SKP2: variants seen among roughly 807,000 people sequenced by gnomAD.
SKP2 encodes the protein S-phase kinase associated protein 2.
SKP2 carries 16 observed loss-of-function variants against 51.8 expected under a neutral mutation model. The observed-to-expected ratio is 0.31, with a 90% CI of 0.21 to 0.47. SKP2 has a LOEUF of 0.47. Ranked by LOEUF, SKP2 falls within the 20% of genes least tolerant of loss-of-function variation. The probability of loss-of-function intolerance (pLI) is 1.00; values close to 1 mark genes in which losing one functional copy is unlikely to be tolerated. For missense variants in SKP2, 377 were observed against 505.3 expected (o/e 0.75, Z 2.43); for synonymous variants, 176 against 198.6 (o/e 0.89, Z 0.96).
intron 9 of SKP2, among the ~76,000 whole-genome samples, chr5:36,177,998 G>C (rs529193322): frequency 6.6e-6 from 1 of 152,260 alleles, no homozygotes; most frequent in East Asian, 1.9e-4. Flanking sequence ...GGGAGTGCAA[G>C]AAAGCAGCAG....
intron 6 of SKP2, among the ~76,000 whole-genome samples, chr5:36,190,414 A>G (rs1745997387): frequency 6.6e-6 from 1 of 151,704 alleles, no homozygotes; most frequent in African/African-American, 2.4e-5. Flanking sequence ...TATATTTACA[A>G]AACATTTGAA....
chr5:36,183,157 T>C lies in SKP2; in HGVS notation c.*1126T>C, dbSNP rs1357766028. On this transcript the variant is annotated 3_prime_UTR_variant, in exon 10 of 10. Transcript: ENST00000274255. ...ATGCAGTTTCAGTAGTAAGCACTAC[T>C]TATACCTACATAAGAGTTAAAATCC... 2 of 977,696 alleles carry C rather than the reference T, an allele frequency of 2.0e-6. No homozygotes were observed. Among genetic ancestry groups the C allele is most frequent in the Non-Finnish European group, 2.4e-6 (2 of 822,924 alleles). The allele number at this position is 977,696 out of a possible 1,614,324, so 60.6% of individuals were successfully genotyped here.
intron 2 of SKP2, among the ~76,000 whole-genome samples, chr5:36,162,396 G>A (rs750856565): frequency 6.6e-6 from 1 of 152,216 alleles, no homozygotes. Context: ...CGTCATCTCA[G>A]TATGGCCTTC....
At chr5:36,157,277 G>A (rs2111951984) in intron 2 of SKP2, among the ~76,000 whole-genome samples, 1 of 152,276 alleles carries the variant, frequency 6.6e-6, no homozygotes, top group Non-Finnish European at 1.5e-5. Flanking sequence ...AAGAGACCCT[G>A]CCCTCATAGT....
intron 2 of SKP2, among the ~76,000 whole-genome samples, chr5:36,159,243 C>T (rs1376410506): frequency 6.6e-6 from 1 of 152,170 alleles, no homozygotes; most frequent in Non-Finnish European, 1.5e-5. Flanking sequence ...ATGCAGTCTT[C>T]ATTGGTTAGG....
downstream of SKP2, among the ~76,000 whole-genome samples, chr5:36,186,122 G>A (rs536184278): frequency 1.4e-4 from 21 of 152,360 alleles, no homozygotes; most frequent in African/African-American, 4.8e-4. Context: ...AGACTTTGCT[G>A]AAGTTGCTTA....
chr5:36,153,616 C>G (rs565518683), intron 2 of SKP2, among the ~76,000 whole-genome samples: 6 of 152,270 alleles, frequency 3.9e-5, no homozygotes, highest in East Asian at 3.9e-4. Flanking sequence ...CCACCGCCCC[C>G]CAACATCCAG....
chr5:36,191,992 A>G (rs1338993716), intron 6 of SKP2, among the ~76,000 whole-genome samples: 1 of 152,314 alleles, frequency 6.6e-6, no homozygotes, highest in African/African-American at 2.4e-5. Flanking sequence ...ACATTTCTCT[A>G]AATACCAGAA....
chr5:36,187,816 T>C (rs569673020), downstream of SKP2, among the ~76,000 whole-genome samples: 4 of 150,992 alleles, frequency 2.6e-5, no homozygotes, highest in South Asian at 6.3e-4. Context: ...TGTTGATCTG[T>C]CTAATGTTGA....
chr5:36,164,851 T>C (rs868651810), intron 3 of SKP2, among the ~76,000 whole-genome samples: 2 of 152,284 alleles, frequency 1.3e-5, no homozygotes, highest in Non-Finnish European at 2.9e-5. Flanking sequence ...GTTATAAGTA[T>C]GTGAAATGGC....
In SKP2 at chr5:36,171,668, C is replaced by T. The variant is rs1267644871; in HGVS notation, c.836C>T (p.Ala279Val). 1.1e-5 allele frequency: 17 copies of T among 1,613,438 alleles called. No individual in the cohort carries two copies. Among genetic ancestry groups the T allele is most frequent in the Non-Finnish European group, 1.4e-5 (16 of 1,179,528 alleles). The change falls in exon 7 of 10, where the codon GCG (alanine) becomes GTG (valine). Residue 279 changes from alanine (A) to valine (V), a missense_variant. Coordinates refer to ENST00000274255, the MANE Select transcript of SKP2 (RefSeq NM_005983.4). The part of the protein sequence containing the change: ...FTEKHVQVAV[A>V]HVSETITQLN... ...GAAAAGCATGTACAGGTGGCTGTTGCGCATGTGTCAGAGACCATCACCCAG... is the reference window on the plus strand; with the variant it reads ...GAAAAGCATGTACAGGTGGCTGTTGTGCATGTGTCAGAGACCATCACCCAG...
Position 36,183,925 on chromosome 5 carries a change from A to G in SKP2, c.*1894A>G. ...ATACAGAACTTCCAAACTCAAGTCC[A>G]GCCATAAGCTATTTTGCCAACATGT... On this transcript the variant is annotated 3_prime_UTR_variant, in exon 10 of 10. Coordinates refer to ENST00000274255, the MANE Select transcript of SKP2 (RefSeq NM_005983.4). The G allele has an allele frequency of 6.2e-7, 1 of 1,611,572 alleles. No homozygotes were observed. Among genetic ancestry groups the G allele is most frequent in the Non-Finnish European group, 8.5e-7 (1 of 1,179,626 alleles).
chr5:36,188,971 C>A (rs1020373301), downstream of SKP2, among the ~76,000 whole-genome samples: 5 of 152,114 alleles, frequency 3.3e-5, no homozygotes, highest in Non-Finnish European at 5.9e-5. Context: ...TCATTTCATT[C>A]ATTTTATCTT....
At chr5:36,161,292 T>TAAAAA (rs5867306) in intron 2 of SKP2, among the ~76,000 whole-genome samples, 1 of 140,856 alleles carries the variant, frequency 7.1e-6, no homozygotes, top group African/African-American at 2.6e-5. Context: ...CAAAAATTGT[T>TAAAAA]AAAAAAAAAA....
In SKP2 at chr5:36,183,096, A is replaced by G. The variant is rs938864808; in HGVS notation, c.*1065A>G. ...CTAAGAGGAACTGCATGTTCTCTTC[A>G]ATCAGAAATATACAGTAGAAGCAGG... On this transcript the variant is annotated 3_prime_UTR_variant, in exon 10 of 10. Coordinates refer to ENST00000274255, the MANE Select transcript of SKP2 (RefSeq NM_005983.4). The G allele has an allele frequency of 6.1e-6, 6 of 984,002 alleles. No homozygotes were observed. Among genetic ancestry groups the G allele is most frequent in the Non-Finnish European group, 4.8e-6 (4 of 828,792 alleles). 61.0% of individuals were successfully genotyped at this position (984,002 alleles called of 1,614,324 possible).
At chr5:36,187,059 A>T (rs1219922963), downstream of SKP2, among the ~76,000 whole-genome samples, 1 of 152,086 alleles carries the variant, frequency 6.6e-6, no homozygotes, top group African/African-American at 2.4e-5. Context: ...CTCTGATGGT[A>T]GTTTGTATTT....
chr5:36,179,298 T>C (rs1195370759), intron 9 of SKP2, among the ~76,000 whole-genome samples: 2 of 152,118 alleles, frequency 1.3e-5, no homozygotes, highest in African/African-American at 4.8e-5. Context: ...ATATTTGAGG[T>C]TTATAATAAA....
intron 2 of SKP2, among the ~76,000 whole-genome samples, chr5:36,153,804 C>G (rs1744847052): frequency 6.6e-6 from 1 of 152,156 alleles, no homozygotes; most frequent in African/African-American, 2.4e-5. Context: ...CTTAATAGCT[C>G]CCCATCCCCT....
At chr5:36,164,542 G>A (rs1033315271) in intron 3 of SKP2, among the ~76,000 whole-genome samples, 3 of 152,274 alleles carry the variant, frequency 2.0e-5, no homozygotes, top group African/African-American at 7.2e-5. Context: ...AAGGCCATCC[G>A]TCTGGCTTCT....
Sources: gnomAD v4.1 joint callset for allele counts (sites outside exome capture counted in the v4.1 genomes callset) on GRCh38, gnomAD v4.1.1 for gene constraint, MANE v1.5 for transcripts, NCBI Gene and HGNC (gene_info 2026-07-23, HGNC 2026-07-21) for gene names.